The following CD86 variants were observed in gnomAD, a reference collection of about 807,000 sequenced individuals.
CD86 encodes T-lymphocyte activation antigen CD86.
CD86 carries 11 observed loss-of-function variants against 32.1 expected under a neutral mutation model. The ratio of observed to expected loss-of-function variants is 0.34; its 90% CI spans 0.22 to 0.57. The LOEUF (loss-of-function observed/expected upper bound fraction) is 0.57, where lower values mean the gene tolerates loss of function less well. CD86 is among the 20% of genes least tolerant of loss of function. The pLI is 0.86. For synonymous variants in CD86, 137 were observed against 135.3 expected, an observed-to-expected ratio of 1.01 and a Z score of -0.09; for missense variants, 359 against 398.4, an observed-to-expected ratio of 0.90 and a Z score of 0.84.
intron 2 of CD86, 26 bp from the exon 3 acceptor site, chr3:122,103,486 C>T: frequency 6.5e-7 from 1 of 1,529,366 alleles, no homozygotes; most frequent in Non-Finnish European, 8.9e-7. Context: ...GTTTCTCCCT[C>T]CCTAATCCTT....
intron 1 of CD86, among the ~76,000 whole-genome samples, chr3:122,065,146 A>G (rs866512977): frequency 6.6e-6 from 1 of 152,184 alleles, no homozygotes; most frequent in African/African-American, 2.4e-5. Context: ...AGGATTCCAA[A>G]TGCCAGTCTG....
rs562680813 is a variant in CD86 at position 122,075,591 on chromosome 3, G to A, written c.15-16010G>A. ...GAAAGCACAGGCTAGACACGCATCTGTCATGACACTGAAGGGGTCCTTGCT... is the reference window on the plus strand; with the variant it reads ...GAAAGCACAGGCTAGACACGCATCTATCATGACACTGAAGGGGTCCTTGCT... On this transcript the variant is annotated intron_variant, in intron 1 of 6. Coordinates refer to ENST00000330540, the MANE Select transcript of CD86 (RefSeq NM_175862.5). Among the ~76,000 whole-genome samples, 3 of 152,304 alleles carry A rather than the reference G, an allele frequency of 2.0e-5. No individual in the cohort carries two copies. The South Asian group carries it at 6.2e-4, about 32-fold the overall frequency.
intron 1 of CD86, among the ~76,000 whole-genome samples, chr3:122,064,271 G>A (rs932208854): frequency 1.3e-5 from 2 of 152,068 alleles, no homozygotes; most frequent in African/African-American, 4.8e-5. Context: ...AAATAAGATA[G>A]CATAGTAAAA....
intron 2 of CD86, among the ~76,000 whole-genome samples, chr3:122,101,835 A>G (rs569274012): frequency 6.6e-6 from 1 of 152,228 alleles, no homozygotes; most frequent in South Asian, 2.1e-4. Flanking sequence ...GGTGATTCAT[A>G]AACACACTAA....
chr3:122,112,259 T>A (rs2073185182), intron 5 of CD86, among the ~76,000 whole-genome samples: 1 of 152,204 alleles, frequency 6.6e-6, no homozygotes, highest in Non-Finnish European at 1.5e-5. Context: ...GTTTCAGGAA[T>A]GATTTCTTAA....
intron 1 of CD86, chr3:122,077,957 C>T (rs772798083): frequency 1.1e-4 from 106 of 985,424 alleles, no homozygotes; most frequent in Non-Finnish European, 1.2e-4. Context: ...TTTATTCTTA[C>T]CACCTTGCTT....
chr3:122,103,608 T>C lies in CD86; in HGVS notation c.161T>C (p.Val54Ala), dbSNP rs1180362466. The change falls in exon 3 of 7, where the codon GTA becomes GCA. Residue 54 changes from valine to alanine, a missense_variant. Val to Ala is a moderately conservative substitution (Grantham distance 64, BLOSUM62 0). Coordinates refer to ENST00000330540, the MANE Select transcript of CD86 (RefSeq NM_175862.5). ...NSQNQSLSELVVFWQDQENLV... is the reference protein window; with the variant it reads ...NSQNQSLSELAVFWQDQENLV... ...CAAAACCAAAGCCTGAGTGAGCTAG[T>C]AGTATTTTGGCAGGACCAGGAAAAC... 1 of 1,613,932 alleles carries C rather than the reference T, an allele frequency of 6.2e-7. No individual in the cohort carries two copies. The highest frequency in any genetic ancestry group is 8.5e-7 in the Non-Finnish European group (1 of 1,179,846).
chr3:122,056,622 G>A (rs1006275787), intron 1 of CD86, among the ~76,000 whole-genome samples: 6 of 152,126 alleles, frequency 3.9e-5, no homozygotes, highest in Admixed American at 6.5e-5. Flanking sequence ...GTGAGCCACC[G>A]CGCACCCGGC....
chr3:122,091,846 G>T, intron 2 of CD86, 196 bp downstream of exon 2: 1 of 579,186 alleles, frequency 1.7e-6, no homozygotes, highest in Admixed American at 2.8e-5. Context: ...CAGGCAGCTG[G>T]GATGGAGCTC....
intron 6 of CD86, among the ~76,000 whole-genome samples, chr3:122,118,419 G>A (rs1020156741): frequency 2.0e-5 from 3 of 152,140 alleles, no homozygotes; most frequent in African/African-American, 7.2e-5. Context: ...CTAGATTAGT[G>A]GGCATCCTAC....
chr3:122,112,467 C>A (rs2073189708), intron 5 of CD86, among the ~76,000 whole-genome samples: 1 of 152,112 alleles, frequency 6.6e-6, no homozygotes, highest in African/African-American at 2.4e-5. Flanking sequence ...CAGGCACGTG[C>A]CACCAAGCCC....
At chr3:122,071,226 T>C (rs978448135) in intron 1 of CD86, among the ~76,000 whole-genome samples, 1 of 152,212 alleles carries the variant, frequency 6.6e-6, no homozygotes, top group Non-Finnish European at 1.5e-5. Context: ...TCCACCATTA[T>C]AGTATCATAC....
chr3:122,101,182 C>T (rs2072993554), intron 2 of CD86, among the ~76,000 whole-genome samples: 1 of 151,954 alleles, frequency 6.6e-6, no homozygotes, highest in Admixed American at 6.6e-5. Context: ...TTCTGTGATC[C>T]ACTCTGGAGA....
intron 1 of CD86, among the ~76,000 whole-genome samples, chr3:122,078,429 C>G (rs2072584805): frequency 6.6e-6 from 1 of 152,180 alleles, no homozygotes; most frequent in Admixed American, 6.5e-5. Context: ...CCTGAGTCCC[C>G]TGTGCCAGTG....
chr3:122,098,247 T>C (rs531667873), intron 2 of CD86, among the ~76,000 whole-genome samples: 19 of 152,214 alleles, frequency 1.2e-4, no homozygotes, highest in Non-Finnish European at 1.9e-4. Context: ...CCCAGGATGC[T>C]ATCTTCAATA....
At chr3:122,077,988 G>A (rs2072578613) in intron 1 of CD86, 1 of 985,682 alleles carries the variant, frequency 1.0e-6, no homozygotes. Context: ...TGGGAATGCT[G>A]CTGTGCTTAT....
intron 1 of CD86, among the ~76,000 whole-genome samples, chr3:122,080,171 G>A (rs546164602): frequency 6.6e-6 from 1 of 152,108 alleles, no homozygotes; most frequent in Non-Finnish European, 1.5e-5. Flanking sequence ...ACCAGGATGG[G>A]CATGGCTCCC....
intron 1 of CD86, among the ~76,000 whole-genome samples, chr3:122,065,277 T>C (rs1332203983): frequency 1.3e-5 from 2 of 152,154 alleles, no homozygotes; most frequent in African/African-American, 4.8e-5. Flanking sequence ...GAGAGAGCTG[T>C]GTTGAGCCAT....
intron 1 of CD86, among the ~76,000 whole-genome samples, chr3:122,081,421 A>G (rs779557953): frequency 9.2e-5 from 14 of 152,244 alleles, no homozygotes; most frequent in Non-Finnish European, 2.1e-4. Flanking sequence ...AATCAACACT[A>G]AAAAGTGGTT....
Sources: gnomAD v4.1 joint callset for allele counts (sites outside exome capture counted in the v4.1 genomes callset) on GRCh38, gnomAD v4.1.1 for gene constraint, MANE v1.5 for transcripts, NCBI Gene and HGNC (gene_info 2026-07-23, HGNC 2026-07-21) for gene names.